The following HECTD2 variants were observed in gnomAD, a reference collection of about 807,000 sequenced individuals.
The protein encoded by HECTD2 is probable E3 ubiquitin-protein ligase HECTD2.
HECTD2 carries 35 observed loss-of-function variants against 103.2 expected under a neutral mutation model. That is an observed-to-expected ratio of 0.34 (90% CI 0.26 to 0.45). The LOEUF (loss-of-function observed/expected upper bound fraction) is 0.45, where lower values mean the gene tolerates loss of function less well. HECTD2 is among the 20% of genes least tolerant of loss of function. The pLI is 1.00. For missense variants in HECTD2, 596 were observed against 937.4 expected, an observed-to-expected ratio of 0.64 and a Z score of 4.76; for synonymous variants, 281 against 329.9, an observed-to-expected ratio of 0.85 and a Z score of 1.61.
rs530403423 is a variant in HECTD2, at chr10:91,445,219, G to T, written c.269-15208G>T. 2.6e-4 allele frequency among the ~76,000 whole-genome samples: 39 copies of T among 152,180 alleles called. No individual in the cohort carries two copies. The South Asian group carries it at 7.9e-3, about 31-fold the overall frequency. On this transcript the variant is annotated intron_variant, in intron 2 of 20. Coordinates refer to ENST00000298068, the MANE Select transcript of HECTD2 (RefSeq NM_182765.6). ...ATTTTGAATTGGCCACATGATTAGGGGATTGATAACTGTTCCTGGCTAGCC... is the reference window on the plus strand; with the variant it reads ...ATTTTGAATTGGCCACATGATTAGGTGATTGATAACTGTTCCTGGCTAGCC...
chr10:91,465,946 C>T (rs899998356), intron 5 of HECTD2, among the ~76,000 whole-genome samples: 3 of 152,094 alleles, frequency 2.0e-5, no homozygotes, highest in Admixed American at 6.5e-5. Flanking sequence ...GCTGGCCTCA[C>T]AGAAGGACTT....
upstream of HECTD2, among the ~76,000 whole-genome samples, chr10:91,410,082 A>C (rs1274281677): frequency 1.3e-5 from 2 of 151,886 alleles, no homozygotes; most frequent in Non-Finnish European, 2.9e-5. Context: ...CTCTGCAAAC[A>C]ATATGGCGGT....
chr10:91,414,326 G>C (rs983248087), intron 1 of HECTD2, among the ~76,000 whole-genome samples: 2 of 152,302 alleles, frequency 1.3e-5, no homozygotes, highest in Admixed American at 6.5e-5. Flanking sequence ...TGAGCATAAG[G>C]TGTGTCGAGA....
intron 20 of HECTD2, among the ~76,000 whole-genome samples, chr10:91,509,225 GTAAC>G (rs1223784485): frequency 2.6e-5 from 4 of 151,730 alleles, no homozygotes; most frequent in African/African-American, 7.3e-5. Context: ...GTATACGTAT[GTAAC>G]TAACCTGCAC....
rs534510064 is a variant in HECTD2 at position 91,417,936 on chromosome 10, A to C, written c.139-7345A>C. Among the ~76,000 whole-genome samples, 12 of 152,110 alleles carry C rather than the reference A, an allele frequency of 7.9e-5. No homozygotes were observed. The South Asian group carries it at 2.5e-3, about 32-fold the overall frequency. On this transcript the variant is annotated intron_variant, in intron 1 of 20. Coordinates refer to ENST00000298068, the MANE Select transcript of HECTD2 (RefSeq NM_182765.6). ...TCTAGTTCTAGATCCCTGAGGAATC[A>C]CCACACTGACTTCCACAATGGTTGA...
Position 91,410,519 on chromosome 10 carries a change from G to T in HECTD2, c.81G>T (p.Lys27Asn). 2.7e-6 allele frequency: 4 copies of T among 1,480,350 alleles called. No individual in the cohort carries two copies. The highest frequency in any genetic ancestry group is 2.9e-5 in the East Asian group (1 of 34,670). 91.7% of individuals were successfully genotyped at this position (1,480,350 alleles called of 1,614,324 possible). A position where few individuals can be genotyped will look rare whatever the true frequency, so the allele number is the denominator to read the frequency against. ...AAPAPEERKGKESEREKLPPI... is the reference protein window; with the variant it reads ...AAPAPEERKGNESEREKLPPI... ...CCGCGCCTGAGGAGAGGAAAGGGAAGGAGTCAGAGCGCGAGAAGCTGCCGC... is the reference window on the plus strand; with the variant it reads ...CCGCGCCTGAGGAGAGGAAAGGGAATGAGTCAGAGCGCGAGAAGCTGCCGC... The change falls in exon 1 of 21, where the codon AAG (lysine) becomes AAT (asparagine). Residue 27 changes from lysine (K) to asparagine (N), a missense_variant. Lys to Asn is a moderately conservative substitution (Grantham distance 94, BLOSUM62 0). Transcript: ENST00000298068.
chr10:91,424,753 C>G (rs1843492687), intron 1 of HECTD2, among the ~76,000 whole-genome samples: 1 of 151,996 alleles, frequency 6.6e-6, no homozygotes, highest in African/African-American at 2.4e-5. Flanking sequence ...AAAAAAAATT[C>G]TGGTATGCCC....
chr10:91,433,650 A>G (rs1444124579), intron 2 of HECTD2, among the ~76,000 whole-genome samples: 2 of 151,940 alleles, frequency 1.3e-5, no homozygotes, highest in Non-Finnish European at 2.9e-5. Flanking sequence ...ACAATGAATG[A>G]CTCTGTACAT....
chr10:91,418,680 A>ATG (rs1564696975), intron 1 of HECTD2, among the ~76,000 whole-genome samples: 57 of 152,030 alleles, frequency 3.7e-4, no homozygotes, highest in African/African-American at 1.3e-3. Flanking sequence ...AAAAAAAACC[A>ATG]TACAAAAAGA....
intron 2 of HECTD2, among the ~76,000 whole-genome samples, chr10:91,457,720 CT>C (rs965959491): frequency 6.6e-6 from 1 of 151,944 alleles, no homozygotes; most frequent in African/African-American, 2.4e-5. Context: ...AGACTGAATG[CT>C]TTTACCTTAA....
chr10:91,445,749 G>A (rs1251056703), intron 2 of HECTD2, among the ~76,000 whole-genome samples: 1 of 152,112 alleles, frequency 6.6e-6, no homozygotes, highest in Non-Finnish European at 1.5e-5. Flanking sequence ...CTGAAGCAAG[G>A]TGAGGCTTTG....
chr10:91,433,798 CATGT>C (rs1843998580), intron 2 of HECTD2, among the ~76,000 whole-genome samples: 3 of 151,838 alleles, frequency 2.0e-5, no homozygotes, highest in African/African-American at 7.3e-5. Flanking sequence ...ATTCGTGGTG[CATGT>C]AGTCTATACT....
intron 18 of HECTD2, among the ~76,000 whole-genome samples, chr10:91,499,987 A>G (rs1369225354): frequency 2.6e-5 from 4 of 152,178 alleles, no homozygotes; most frequent in Admixed American, 2.6e-4. Context: ...TAATTGTGGG[A>G]GTGGACAGAG....
chr10:91,462,748 G>GGT, intron 5 of HECTD2: 1 of 985,836 alleles, frequency 1.0e-6, no homozygotes, highest in Non-Finnish European at 1.2e-6. Flanking sequence ...GTCTCCAGAA[G>GGT]TTTAGCTATG....
intron 1 of HECTD2, among the ~76,000 whole-genome samples, chr10:91,412,378 T>A (rs1423991754): frequency 2.0e-5 from 3 of 151,850 alleles, no homozygotes; most frequent in South Asian, 2.1e-4. Flanking sequence ...AAGAAAAAAA[T>A]TTAAATCTTG....
At chr10:91,495,602 T>A (rs1387871314) in intron 14 of HECTD2, among the ~76,000 whole-genome samples, 1 of 152,098 alleles carries the variant, frequency 6.6e-6, no homozygotes, top group Non-Finnish European at 1.5e-5. Context: ...ATATGACTAA[T>A]AAATAATCCT....
At chr10:91,440,283 G>T (rs543681915) in intron 2 of HECTD2, among the ~76,000 whole-genome samples, 1 of 152,128 alleles carries the variant, frequency 6.6e-6, no homozygotes, top group African/African-American at 2.4e-5. Flanking sequence ...TTTTTAGCAT[G>T]AATGGGGTGT....
At chr10:91,509,625 A>T (rs1411531397) in intron 20 of HECTD2, among the ~76,000 whole-genome samples, 1 of 152,212 alleles carries the variant, frequency 6.6e-6, no homozygotes, top group African/African-American at 2.4e-5. Flanking sequence ...TGTCCTTTGC[A>T]GCAACATGGA....
chr10:91,418,115 A>G (rs1843204948), intron 1 of HECTD2, among the ~76,000 whole-genome samples: 1 of 133,854 alleles, frequency 7.5e-6, no homozygotes, highest in Non-Finnish European at 1.5e-5. Flanking sequence ...CTGAATTGAA[A>G]AAGTCAGTCT....
Sources: gnomAD v4.1 joint callset for allele counts (sites outside exome capture counted in the v4.1 genomes callset) on GRCh38, gnomAD v4.1.1 for gene constraint, MANE v1.5 for transcripts, NCBI Gene and HGNC (gene_info 2026-07-23, HGNC 2026-07-21) for gene names.